Variants in SYMPK observed in about 807,000 individuals in gnomAD.
SYMPK encodes symplekin scaffold protein.
SYMPK carries 49 observed loss-of-function variants against 136.4 expected under a neutral mutation model. The observed-to-expected ratio is 0.36, with a 90% CI of 0.29 to 0.46. The LOEUF is 0.46. SYMPK is among the 20% of genes least tolerant of loss of function. The probability of loss-of-function intolerance (pLI) is 1.00; values close to 1 mark genes in which losing one functional copy is unlikely to be tolerated. For synonymous variants in SYMPK, 766 were observed against 713.0 expected (o/e 1.07, Z -1.19); for missense variants, 1,365 against 1,690.0 (o/e 0.81, Z 3.37).
At chr19:45,837,369 G>C (rs1458902007) in intron 10 of SYMPK, among the ~76,000 whole-genome samples, 4 of 152,096 alleles carry the variant, frequency 2.6e-5, no homozygotes, top group Admixed American at 2.6e-4. Flanking sequence ...TGTAATCCCA[G>C]CACTTTGGGA....
chr19:45,828,960 G>GC lies in SYMPK; in HGVS notation c.1985+9dup. On this transcript the variant is annotated intron_variant, in intron 14 of 26. Transcript: ENST00000245934. The stretch of plus-strand genomic sequence containing the variant: ...TCGGGGACAGGAGGGTGCAGGGTCA[G>GC]CCCCCTCACCCATCCTTCTGGTCTG... The GC allele has an allele frequency of 6.2e-7, 1 of 1,612,986 alleles. No homozygotes were observed. The highest frequency in any genetic ancestry group is 8.5e-7 in the Non-Finnish European group (1 of 1,179,094).
In SYMPK at chr19:45,821,366, G is replaced by T. The variant is rs202101205; in HGVS notation, c.2893+18C>A. 36 of 1,595,542 alleles carry T rather than the reference G, an allele frequency of 2.3e-5. No homozygotes were observed. Among genetic ancestry groups the T allele is most frequent in the African/African-American group, 1.9e-4 (14 of 74,462 alleles). ...GTCGCAGGGGCCAGGCCACTGGAGTGGGGGGGAAGCGCCTCACCTTTGATG... is the reference window on the plus strand; with the variant it reads ...GTCGCAGGGGCCAGGCCACTGGAGTTGGGGGGAAGCGCCTCACCTTTGATG... On this transcript the variant is annotated intron_variant, in intron 22 of 26. Coordinates refer to ENST00000245934, the MANE Select transcript of SYMPK (RefSeq NM_004819.3). The surrounding 1 kb of genome is among the most constrained non-coding windows in gnomAD (Gnocchi z 4.4).
intron 7 of SYMPK, among the ~76,000 whole-genome samples, chr19:45,847,337 T>C (rs1234020779): frequency 2.0e-5 from 3 of 151,280 alleles, no homozygotes; most frequent in African/African-American, 7.3e-5. Flanking sequence ...GGCAGAAGAA[T>C]CTCTTGAACC....
intron 11 of SYMPK, among the ~76,000 whole-genome samples, chr19:45,834,142 G>T (rs527784983): frequency 1.1e-3 from 164 of 152,320 alleles, no homozygotes; most frequent in Admixed American, 2.7e-3. Context: ...CAAAAAATTA[G>T]CCGGGCGTGG....
chr19:45,839,356 T>C (rs1971382319), intron 9 of SYMPK, among the ~76,000 whole-genome samples: 1 of 152,210 alleles, frequency 6.6e-6, no homozygotes, highest in Admixed American at 6.5e-5. Context: ...GCAAGGACAG[T>C]ACAAGAGGAG....
chr19:45,828,204 TGGA>T (rs1568612482), intron 14 of SYMPK: 2 of 378,042 alleles, frequency 5.3e-6, no homozygotes, highest in East Asian at 1.2e-4. Context: ...TGATGGCGGG[TGGA>T]GAAGGGTGTG....
intron 1 of SYMPK, among the ~76,000 whole-genome samples, chr19:45,859,391 A>G (rs1971908374): frequency 6.6e-6 from 1 of 151,834 alleles, no homozygotes; most frequent in Non-Finnish European, 1.5e-5. Flanking sequence ...TGAGGCCAGG[A>G]GTTCAAGACC....
rs529861096 is a variant in SYMPK at position 45,822,674 on chromosome 19, A to G, written c.2791+82T>C. The G allele has an allele frequency of 2.1e-5, 25 of 1,171,626 alleles. No individual in the cohort carries two copies. In the South Asian group the frequency reaches 2.9e-4, roughly 14 times the overall value. 72.6% of individuals were successfully genotyped at this position (1,171,626 alleles called of 1,614,324 possible). A position where few individuals can be genotyped will look rare whatever the true frequency, so the allele number is the denominator to read the frequency against. ...GAGCAGGATGTGCCCTCTCTCCCTG[A>G]GGGGGGTGCCTGCACCTTGCCTTCT... On this transcript the variant is annotated intron_variant, in intron 21 of 26. Coordinates refer to ENST00000245934, the MANE Select transcript of SYMPK (RefSeq NM_004819.3).
Position 45,838,575 on chromosome 19 carries a change from C to G in SYMPK, c.1128G>C (p.Glu376Asp). 6.2e-7 allele frequency: 1 copy of G among 1,614,182 alleles called. No homozygotes were observed. Among genetic ancestry groups the G allele is most frequent in the Non-Finnish European group, 8.5e-7 (1 of 1,180,018 alleles). The change falls in exon 10 of 27, where the codon GAG (glutamate) becomes GAC (aspartate). Residue 376 changes from glutamate to aspartate, a missense_variant. Glu to Asp is a conservative substitution (Grantham distance 45). Transcript: ENST00000245934. The part of the protein sequence containing the change: ...LGEDDEDKDL[E>D]PGPSGTSKAS... ...CCTTCGAGGTCCCCGACGGGCCTGGCTCCAAGTCTTTGTCCTCATCGTCCT... is the reference window on the plus strand; with the variant it reads ...CCTTCGAGGTCCCCGACGGGCCTGGGTCCAAGTCTTTGTCCTCATCGTCCT...
At chr19:45,832,334 G>T (rs928163785) in intron 11 of SYMPK, among the ~76,000 whole-genome samples, 2 of 151,738 alleles carry the variant, frequency 1.3e-5, no homozygotes, top group South Asian at 4.1e-4. Context: ...TAGAGACGGG[G>T]TTTCACCACA....
rs999541521 is a variant in SYMPK at position 45,828,939 on chromosome 19, G to A, written c.1985+31C>T. The A allele has an allele frequency of 6.9e-6, 11 of 1,600,964 alleles. No individual in the cohort carries two copies. In the African/African-American group the frequency reaches 9.4e-5, roughly 14 times the overall value. On this transcript the variant is annotated intron_variant, in intron 14 of 26. Coordinates refer to ENST00000245934, the MANE Select transcript of SYMPK (RefSeq NM_004819.3). Reference sequence around the variant, plus strand: ...AGCACCAGGAGAGGAAGCCTCTCGGGGACAGGAGGGTGCAGGGTCAGCCCC... The same window carrying A: ...AGCACCAGGAGAGGAAGCCTCTCGGAGACAGGAGGGTGCAGGGTCAGCCCC...
chr19:45,848,696 T>G (rs1383557944), intron 6 of SYMPK, 54 bp downstream of exon 6: 1 of 1,608,764 alleles, frequency 6.2e-7, no homozygotes, highest in Non-Finnish European at 8.5e-7. Context: ...ACATATTAGT[T>G]TGTCAACGAG....
intron 3 of SYMPK, among the ~76,000 whole-genome samples, chr19:45,853,146 C>T (rs1971735093): frequency 1.3e-5 from 2 of 152,208 alleles, no homozygotes; most frequent in Admixed American, 6.5e-5. Flanking sequence ...GCACCAGGTG[C>T]ATCCACTCCA....
chr19:45,844,300 TAG>T, intron 7 of SYMPK, 100 bp from the exon 8 acceptor site: 1 of 924,072 alleles, frequency 1.1e-6, no homozygotes. Context: ...TCCTGGTACC[TAG>T]ATGTCTATGA....
At chr19:45,851,808 AGG>A (rs1368751864) in intron 5 of SYMPK, among the ~76,000 whole-genome samples, 10 of 152,212 alleles carry the variant, frequency 6.6e-5, no homozygotes, top group African/African-American at 2.4e-4. Context: ...CGGAAGTCGG[AGG>A]TTGCAGTGAG....
chr19:45,840,533 C>A (rs986286109), intron 9 of SYMPK, among the ~76,000 whole-genome samples: 2 of 151,842 alleles, frequency 1.3e-5, no homozygotes, highest in African/African-American at 4.8e-5. Flanking sequence ...CATGGTGGCA[C>A]ATGCCTGTAA....
Position 45,815,522 on chromosome 19 carries a change from CGA to C in SYMPK, c.*36_*37del. On this transcript the variant is annotated 3_prime_UTR_variant, in exon 27 of 27. Transcript: ENST00000245934. ...CAAGCCCCGCCCCGTCCCCCAGCCC[CGA>C]GTCCCTGTCCCACCCCCTTTCCCCC... is the stretch of plus-strand genomic sequence containing the variant. 5 of 1,408,458 alleles carry C rather than the reference CGA, an allele frequency of 3.5e-6. No homozygotes were observed. The highest frequency in any genetic ancestry group is 1.5e-5 in the African/African-American group (1 of 68,384). The allele number at this position is 1,408,458 out of a possible 1,614,324, so 87.2% of individuals were successfully genotyped here.
At chr19:45,850,185 T>C (rs569533609) in intron 5 of SYMPK, among the ~76,000 whole-genome samples, 1 of 152,112 alleles carries the variant, frequency 6.6e-6, no homozygotes, top group Admixed American at 6.5e-5. Context: ...GCAGAGGTTG[T>C]AGTCAGCCGA....
intron 9 of SYMPK, among the ~76,000 whole-genome samples, chr19:45,840,991 CTT>C (rs567036023): frequency 6.9e-6 from 1 of 145,692 alleles, no homozygotes. Context: ...AGATAAATTC[CTT>C]TTTTTTTTTT....
Sources: gnomAD v4.1 joint callset for allele counts (sites outside exome capture counted in the v4.1 genomes callset) on GRCh38, gnomAD v4.1.1 for gene constraint, Gnocchi (gnomAD v3.1) non-coding constraint, MANE v1.5 for transcripts, NCBI Gene and HGNC (gene_info 2026-07-23, HGNC 2026-07-21) for gene names.